The following COX7B2 variants were observed in gnomAD, a reference collection of about 807,000 sequenced individuals.
The protein encoded by COX7B2 is cytochrome c oxidase subunit 7B2, mitochondrial.
For synonymous variants in COX7B2, 37 were observed against 32.1 expected, an observed-to-expected ratio of 1.15 and a Z score of -0.51; for missense variants, 109 against 95.9, an observed-to-expected ratio of 1.14 and a Z score of -0.57.
chr4:46,892,854 G>A (rs1719513070), intron 1 of COX7B2, among the ~76,000 whole-genome samples: 1 of 152,142 alleles, frequency 6.6e-6, no homozygotes, highest in South Asian at 2.1e-4. Context: ...GGGACCCAGT[G>A]GGACATAACT....
rs186546149 is a variant in COX7B2 at position 46,836,334 on chromosome 4, T to C, written c.-50+8626A>G. On this transcript the variant is annotated intron_variant, in intron 2 of 2. Transcript: ENST00000355591. ...ATTTTTATATCCTTATTCTATACGT[T>C]TTTTTCTCTATTTAAAAAATTTTTT... Among the ~76,000 whole-genome samples the C allele has an allele frequency of 4.4e-3, 676 of 152,174 alleles. 5 individuals carry two copies. The highest frequency in any genetic ancestry group is 0.016 in the African/African-American group (655 of 41,562).
intron 2 of COX7B2, among the ~76,000 whole-genome samples, chr4:46,815,565 G>T (rs1452531537): frequency 6.6e-6 from 1 of 151,894 alleles, no homozygotes; most frequent in Non-Finnish European, 1.5e-5. Context: ...GTAAATAAAA[G>T]AAGTTTCAAC....
At chr4:46,794,082 AG>A (rs1319465794) in intron 2 of COX7B2, among the ~76,000 whole-genome samples, 3 of 152,240 alleles carry the variant, frequency 2.0e-5, no homozygotes, top group Non-Finnish European at 4.4e-5. Flanking sequence ...CTCAAGTATC[AG>A]CAAGCCTCCA....
At chr4:46,759,300 T>C (rs1458368216) in intron 2 of COX7B2, among the ~76,000 whole-genome samples, 1 of 152,058 alleles carries the variant, frequency 6.6e-6, no homozygotes. Flanking sequence ...AGATCAACTA[T>C]GAGGAAAATA....
intron 2 of COX7B2, among the ~76,000 whole-genome samples, chr4:46,762,333 A>G (rs1325242140): frequency 1.1e-5 from 1 of 87,054 alleles, no homozygotes; most frequent in Non-Finnish European, 2.4e-5. Flanking sequence ...TTTACTATAT[A>G]TTAATATATA....
chr4:46,860,983 A>C (rs1014170087), intron 1 of COX7B2, among the ~76,000 whole-genome samples: 1 of 152,156 alleles, frequency 6.6e-6, no homozygotes, highest in African/African-American at 2.4e-5. Flanking sequence ...CAGGTGCTGC[A>C]GGTTTTTCAG....
chr4:46,888,641 T>G (rs2109865044), intron 1 of COX7B2, among the ~76,000 whole-genome samples: 1 of 152,070 alleles, frequency 6.6e-6, no homozygotes, highest in South Asian at 2.1e-4. Flanking sequence ...AGAGATGGGG[T>G]TTCACCATGT....
intron 2 of COX7B2, among the ~76,000 whole-genome samples, chr4:46,804,919 C>T (rs925459834): frequency 6.6e-6 from 1 of 152,218 alleles, no homozygotes; most frequent in African/African-American, 2.4e-5. Flanking sequence ...CGTGGGAGCC[C>T]ACAGCCAGGG....
At chr4:46,766,136 A>G (rs139020885) in intron 2 of COX7B2, among the ~76,000 whole-genome samples, 1,671 of 152,312 alleles carry the variant, frequency 0.011, 19 homozygotes, top group Middle Eastern at 0.041. Flanking sequence ...AGAAATGCTA[A>G]AGGAAGTGCT....
chr4:46,763,102 A>C (rs1410241365), intron 2 of COX7B2, among the ~76,000 whole-genome samples: 1 of 105,628 alleles, frequency 9.5e-6, no homozygotes, highest in Admixed American at 1.1e-4. Context: ...ATATATAATA[A>C]ATTATATAAT....
chr4:46,769,322 T>A (rs1017648529), intron 2 of COX7B2, among the ~76,000 whole-genome samples: 3 of 152,112 alleles, frequency 2.0e-5, no homozygotes, highest in African/African-American at 7.2e-5. Context: ...AATATCTTCA[T>A]CAGAATACTA....
intron 1 of COX7B2, among the ~76,000 whole-genome samples, chr4:46,852,828 T>C (rs988503518): frequency 1.3e-5 from 2 of 152,118 alleles, no homozygotes; most frequent in Non-Finnish European, 2.9e-5. Flanking sequence ...ACTGGAGATC[T>C]ATCTAGTGTC....
At chr4:46,855,547 A>C (rs552163234) in intron 1 of COX7B2, among the ~76,000 whole-genome samples, 40 of 152,242 alleles carry the variant, frequency 2.6e-4, no homozygotes, top group African/African-American at 8.7e-4. Flanking sequence ...TGAAGGCATT[A>C]AAAATATGTT....
intron 2 of COX7B2, among the ~76,000 whole-genome samples, chr4:46,784,161 G>C (rs1179072373): frequency 6.6e-5 from 10 of 152,114 alleles, no homozygotes; most frequent in Non-Finnish European, 1.5e-4. Context: ...TGGAATAAGA[G>C]AGGGGCAAAA....
intron 2 of COX7B2, among the ~76,000 whole-genome samples, chr4:46,801,621 C>T (rs1017779962): frequency 6.6e-6 from 1 of 152,006 alleles, no homozygotes; most frequent in Non-Finnish European, 1.5e-5. Flanking sequence ...GGGTGTTATG[C>T]CCACTACCTG....
intron 1 of COX7B2, among the ~76,000 whole-genome samples, chr4:46,850,246 A>AATTTAAATGATTTAAAATG (rs1448152039): frequency 6.7e-6 from 1 of 149,560 alleles, no homozygotes; most frequent in Admixed American, 6.6e-5. Context: ...GATTTAAAAT[A>AATTTAAATGATTTAAAATG]ATTTAAATGA....
At chr4:46,839,789 G>T (rs931423059) in intron 2 of COX7B2, among the ~76,000 whole-genome samples, 1 of 151,950 alleles carries the variant, frequency 6.6e-6, no homozygotes, top group Non-Finnish European at 1.5e-5. Context: ...AAAGCCATTT[G>T]CATAATAATG....
At chr4:46,885,138 T>C (rs1718999322) in intron 1 of COX7B2, among the ~76,000 whole-genome samples, 1 of 152,136 alleles carries the variant, frequency 6.6e-6, no homozygotes, top group Non-Finnish European at 1.5e-5. Context: ...TTCATTATTA[T>C]TACATCCAAG....
intron 1 of COX7B2, among the ~76,000 whole-genome samples, chr4:46,900,338 A>G (rs1026081718): frequency 6.6e-6 from 1 of 152,160 alleles, no homozygotes; most frequent in African/African-American, 2.4e-5. Flanking sequence ...GTTTCCAAGG[A>G]TACCCTTGCA....
Sources: allele counts gnomAD v4.1 joint callset (sites outside exome capture counted in the v4.1 genomes callset), GRCh38; gene constraint gnomAD v4.1.1; transcripts MANE v1.5; gene names NCBI Gene and HGNC (gene_info 2026-07-23, HGNC 2026-07-21).